Variants in SH3GL2 observed in about 807,000 individuals in gnomAD.
SH3GL2 encodes endophilin-A1.
In SH3GL2, 24 loss-of-function variants were observed where a neutral mutation model predicts 46.0. The ratio of observed to expected loss-of-function variants is 0.52; its 90% CI spans 0.38 to 0.73. The LOEUF (loss-of-function observed/expected upper bound fraction) is 0.73, where lower values mean the gene tolerates loss of function less well. Ranked by LOEUF, SH3GL2 falls within the 30% of genes least tolerant of loss-of-function variation. The pLI is 0.00. For synonymous variants in SH3GL2, 196 were observed against 147.1 expected, an observed-to-expected ratio of 1.33 and a Z score of -2.40; for missense variants, 413 against 424.2, an observed-to-expected ratio of 0.97 and a Z score of 0.23.
intron 1 of SH3GL2, among the ~76,000 whole-genome samples, chr9:17,736,124 T>C (rs1348641514): frequency 6.6e-6 from 1 of 152,098 alleles, no homozygotes; most frequent in Non-Finnish European, 1.5e-5. Context: ...TAAGCAATGA[T>C]GAGCTGCTTA....
chr9:17,619,665 G>A (rs1462364609), intron 1 of SH3GL2, among the ~76,000 whole-genome samples: 1 of 149,140 alleles, frequency 6.7e-6, no homozygotes, highest in Non-Finnish European at 1.5e-5. Flanking sequence ...CAACAAGAGT[G>A]AAACTCCATC....
intron 1 of SH3GL2, among the ~76,000 whole-genome samples, chr9:17,591,655 T>G (rs1818483526): frequency 6.6e-6 from 1 of 152,202 alleles, no homozygotes; most frequent in African/African-American, 2.4e-5. Flanking sequence ...CGGTTGTTTG[T>G]GAAGGAATGT....
At chr9:17,671,072 T>C (rs1820462521) in intron 1 of SH3GL2, among the ~76,000 whole-genome samples, 1 of 152,196 alleles carries the variant, frequency 6.6e-6, no homozygotes, top group African/African-American at 2.4e-5. Flanking sequence ...TGATTGACAT[T>C]ATATTTGAAT....
intron 1 of SH3GL2, among the ~76,000 whole-genome samples, chr9:17,674,871 C>T (rs750743284): frequency 1.5e-4 from 23 of 152,162 alleles, no homozygotes; most frequent in African/African-American, 4.3e-4. Flanking sequence ...GGCCCAGGCC[C>T]GGGAAGTGTA....
At chr9:17,749,233 T>C (rs927751378) in intron 2 of SH3GL2, among the ~76,000 whole-genome samples, 3 of 152,184 alleles carry the variant, frequency 2.0e-5, no homozygotes, top group Non-Finnish European at 4.4e-5. Flanking sequence ...GCCACTAATA[T>C]CCATAGTTCT....
At chr9:17,698,882 C>T (rs1247249547) in intron 1 of SH3GL2, among the ~76,000 whole-genome samples, 1 of 152,024 alleles carries the variant, frequency 6.6e-6, no homozygotes, top group African/African-American at 2.4e-5. Flanking sequence ...ACAGGCCAGG[C>T]GCGATGGCTC....
rs143328042 is a variant in SH3GL2, at chr9:17,720,724, A to G, written c.46-26342A>G. 1.4e-3 allele frequency among the ~76,000 whole-genome samples: 211 copies of G among 152,258 alleles called. 3 individuals are homozygous for G. Among genetic ancestry groups the G allele is most frequent in the African/African-American group, 4.7e-3 (196 of 41,552 alleles). On this transcript the variant is annotated intron_variant, in intron 1 of 8. Transcript: ENST00000380607. The stretch of plus-strand genomic sequence containing the variant: ...AAATAAGATATAAGGAAACGTAAGA[A>G]AAATGAAGGACTTACCACTCAGTTT...
chr9:17,697,157 A>G (rs971243790), intron 1 of SH3GL2, among the ~76,000 whole-genome samples: 2 of 152,060 alleles, frequency 1.3e-5, no homozygotes, highest in African/African-American at 4.8e-5. Flanking sequence ...TAACAAACAT[A>G]TAGTCTGCTT....
chr9:17,768,511 C>G (rs896702109), intron 3 of SH3GL2, among the ~76,000 whole-genome samples: 1 of 151,818 alleles, frequency 6.6e-6, no homozygotes, highest in African/African-American at 2.4e-5. Context: ...AAATAAATAC[C>G]ATACCTAAAT....
intron 1 of SH3GL2, among the ~76,000 whole-genome samples, chr9:17,743,569 AACACACACACACAC>A (rs58408701): frequency 7.0e-6 from 1 of 143,686 alleles, no homozygotes; most frequent in Admixed American, 6.9e-5. Flanking sequence ...CTCTTTTGTG[AACACACACACACAC>A]ACACACACAC....
At chr9:17,733,694 A>C (rs1822248472) in intron 1 of SH3GL2, among the ~76,000 whole-genome samples, 1 of 152,080 alleles carries the variant, frequency 6.6e-6, no homozygotes, top group African/African-American at 2.4e-5. Flanking sequence ...GGCACTATTC[A>C]CAATAGCAAA....
intron 1 of SH3GL2, among the ~76,000 whole-genome samples, chr9:17,675,953 A>G (rs1465495012): frequency 6.6e-6 from 1 of 152,186 alleles, no homozygotes; most frequent in African/African-American, 2.4e-5. Context: ...TCAAAAAAAT[A>G]AAAAAATAAA....
At chr9:17,639,055 CACTT>C (rs1356294093) in intron 1 of SH3GL2, among the ~76,000 whole-genome samples, 1 of 152,126 alleles carries the variant, frequency 6.6e-6, no homozygotes, top group Non-Finnish European at 1.5e-5. Flanking sequence ...ATGTATGTAA[CACTT>C]ACTTTATAAA....
At chr9:17,699,936 C>A in intron 1 of SH3GL2, among the ~76,000 whole-genome samples, 1 of 152,102 alleles carries the variant, frequency 6.6e-6, no homozygotes, top group Admixed American at 6.5e-5. Context: ...AAAGGTTTAC[C>A]TGTTAAGTTT....
At chr9:17,772,389 A>G (rs1233809142) in intron 3 of SH3GL2, among the ~76,000 whole-genome samples, 2 of 152,198 alleles carry the variant, frequency 1.3e-5, no homozygotes, top group African/African-American at 4.8e-5. Context: ...TATACATTTC[A>G]CTGGTATTAA....
At chr9:17,740,947 A>T (rs1309006796) in intron 1 of SH3GL2, among the ~76,000 whole-genome samples, 1 of 152,108 alleles carries the variant, frequency 6.6e-6, no homozygotes, top group Admixed American at 6.6e-5. Context: ...CTATTAGGTG[A>T]CATTTCCAAG....
chr9:17,653,647 A>G (rs1820004992), intron 1 of SH3GL2, among the ~76,000 whole-genome samples: 1 of 152,278 alleles, frequency 6.6e-6, no homozygotes, highest in South Asian at 2.1e-4. Context: ...ACAAAGAGGT[A>G]GGGCCTTTAA....
Position 17,599,267 on chromosome 9 carries a change from G to A in SH3GL2, c.45+19980G>A, listed in dbSNP as rs182389865. Among the ~76,000 whole-genome samples the A allele has an allele frequency of 9.2e-5, 14 of 152,286 alleles. No homozygotes were observed. The East Asian group carries it at 2.5e-3, about 27-fold the overall frequency. ...GCAGAGACTGTGCACTATGGATGAA[G>A]GCTGGTGAATTTTTGCTACTTGTAA... On this transcript the variant is annotated intron_variant, in intron 1 of 8. Transcript: ENST00000380607.
intron 1 of SH3GL2, chr9:17,589,798 G>C (rs894122687): frequency 6.6e-6 from 1 of 152,342 alleles, no homozygotes; most frequent in African/African-American, 2.4e-5. Context: ...AGTGTGTTGT[G>C]GTGTAAGCAG....
Sources: gnomAD v4.1 joint callset for allele counts (sites outside exome capture counted in the v4.1 genomes callset) on GRCh38, gnomAD v4.1.1 for gene constraint, MANE v1.5 for transcripts, NCBI Gene and HGNC (gene_info 2026-07-23, HGNC 2026-07-21) for gene names.